The following QKI variants were observed in gnomAD, a reference collection of about 807,000 sequenced individuals.
QKI encodes QKI, KH domain containing RNA binding, also known as KH domain-containing RNA-binding protein QKI.
Under a neutral mutation model 39.0 loss-of-function variants are expected in QKI, and 10 were observed. The ratio of observed to expected loss-of-function variants is 0.26; its 90% CI spans 0.16 to 0.43. The LOEUF is 0.43. Among genes scored for constraint, QKI ranks in the 20% least tolerant of loss-of-function variants. The probability of loss-of-function intolerance (pLI) is 1.00; values close to 1 mark genes in which losing one functional copy is unlikely to be tolerated. For synonymous variants in QKI, 204 were observed against 155.4 expected, an observed-to-expected ratio of 1.31 and a Z score of -2.33; for missense variants, 218 against 428.0, an observed-to-expected ratio of 0.51 and a Z score of 4.33.
At position 163,577,911 on chromosome 6, in the gene QKI, T is replaced by C. The variant is rs1334074122; in HGVS notation, c.*7201T>C. ...AACGTAATTTTTAATGATTACCCCTTTTATACAGTAATTTGTGGTCTTTAG... is the reference window on the plus strand; with the variant it reads ...AACGTAATTTTTAATGATTACCCCTCTTATACAGTAATTTGTGGTCTTTAG... On this transcript the variant is annotated 3_prime_UTR_variant, in exon 8 of 8. Transcript: ENST00000361752. The C allele has an allele frequency of 6.6e-6, 1 of 152,214 alleles. No homozygotes were observed. The highest frequency in any genetic ancestry group is 1.5e-5 in the Non-Finnish European group (1 of 68,034). 9.4% of individuals were successfully genotyped at this position (152,214 alleles called of 1,614,324 possible).
chr6:163,510,947 C>T (rs1056362926), intron 3 of QKI, among the ~76,000 whole-genome samples: 6 of 152,216 alleles, frequency 3.9e-5, no homozygotes, highest in African/African-American at 9.6e-5. Flanking sequence ...GTTTATTAAA[C>T]GTTATATCTT....
intron 4 of QKI, among the ~76,000 whole-genome samples, chr6:163,548,050 C>A (rs1781999838): frequency 6.6e-6 from 1 of 152,156 alleles, no homozygotes; most frequent in African/African-American, 2.4e-5. Flanking sequence ...TTTCAGAACA[C>A]TGTTTGTTTA....
At chr6:163,567,367 A>AT (rs559062401) in intron 7 of QKI, 36 of 984,650 alleles carry the variant, frequency 3.7e-5, no homozygotes, top group African/African-American at 7.0e-5. Context: ...ATGTAGTTGG[A>AT]TTTTTTTATA....
At chr6:163,437,908 A>G (rs769055157) in intron 1 of QKI, among the ~76,000 whole-genome samples, 3 of 152,224 alleles carry the variant, frequency 2.0e-5, no homozygotes, top group Middle Eastern at 3.2e-3. Context: ...TCCTGGAAGA[A>G]AAAGCTCTGA....
chr6:163,477,020 G>GT (rs113406306), intron 2 of QKI, among the ~76,000 whole-genome samples: 15 of 54,114 alleles, frequency 2.8e-4, no homozygotes, highest in Non-Finnish European at 3.8e-4. Flanking sequence ...GTTTTGTTTT[G>GT]TTTTTTTTTT....
Position 163,478,910 on chromosome 6 carries a change from A to G in QKI, c.402+14A>G, listed in dbSNP as rs373603624. 89 of 1,549,260 alleles carry G rather than the reference A, an allele frequency of 5.7e-5. No homozygotes were observed. The highest frequency in any genetic ancestry group is 7.6e-5 in the Non-Finnish European group (85 of 1,125,522). ...GATAAAAAAAAGGTAAGTCCTTGAAAATGGACTAAGTCTTTATGTGAGTAA... is the reference window on the plus strand; with the variant it reads ...GATAAAAAAAAGGTAAGTCCTTGAAGATGGACTAAGTCTTTATGTGAGTAA... On this transcript the variant is annotated intron_variant, in intron 3 of 7. Transcript: ENST00000361752.
chr6:163,447,041 G>A (rs1300273687), intron 1 of QKI, among the ~76,000 whole-genome samples: 1 of 152,026 alleles, frequency 6.6e-6, no homozygotes, highest in African/African-American at 2.4e-5. Flanking sequence ...TACATCAAAA[G>A]GTGGCTTATT....
chr6:163,513,687 C>T (rs1323354041), intron 3 of QKI, among the ~76,000 whole-genome samples: 2 of 152,100 alleles, frequency 1.3e-5, no homozygotes, highest in Non-Finnish European at 2.9e-5. Flanking sequence ...TCTAGAATTT[C>T]TTCCCAGGCC....
chr6:163,541,148 A>G (rs1017849089), intron 4 of QKI, among the ~76,000 whole-genome samples: 11 of 152,056 alleles, frequency 7.2e-5, no homozygotes, highest in African/African-American at 2.7e-4. Flanking sequence ...GCTGTATCCA[A>G]CAAATAATAT....
chr6:163,425,285 TTTAG>T (rs1171288142), intron 1 of QKI, among the ~76,000 whole-genome samples: 2 of 152,068 alleles, frequency 1.3e-5, no homozygotes, highest in African/African-American at 4.8e-5. Context: ...TAGGTACGGA[TTTAG>T]TTAGTTGGAA....
intron 6 of QKI, chr6:163,564,463 G>A (rs147343562): frequency 3.5e-6 from 5 of 1,410,856 alleles, no homozygotes; most frequent in African/African-American, 1.4e-5. Context: ...TTCAGTTCTT[G>A]TGTTTTGGAG....
At chr6:163,466,719 T>C (rs1176490503) in intron 2 of QKI, among the ~76,000 whole-genome samples, 1 of 152,136 alleles carries the variant, frequency 6.6e-6, no homozygotes. Flanking sequence ...CATAAAAATT[T>C]AGTCAAAATG....
chr6:163,431,700 A>G (rs1390285626), intron 1 of QKI, among the ~76,000 whole-genome samples: 2 of 151,944 alleles, frequency 1.3e-5, no homozygotes, highest in Admixed American at 1.3e-4. Flanking sequence ...TCATTCAGTT[A>G]TATCATAAAG....
rs564966430 is a variant in QKI, at chr6:163,476,904, A to C, written c.286-1876A>C. ...TGTGTATGTATTGTGCTATACACAT[A>C]CATATCTGTACATGCCATCATCACT... On this transcript the variant is annotated intron_variant, in intron 2 of 7. Transcript: ENST00000361752. Among the ~76,000 whole-genome samples, 31 of 152,268 alleles carry C rather than the reference A, an allele frequency of 2.0e-4. No homozygotes were observed. The South Asian group carries it at 3.9e-3, about 19-fold the overall frequency.
chr6:163,422,018 C>T lies in QKI; in HGVS notation c.142+6683C>T, dbSNP rs538368652. Among the ~76,000 whole-genome samples, 23 of 152,162 alleles carry T rather than the reference C, an allele frequency of 1.5e-4. No homozygotes were observed. In the South Asian group the frequency reaches 4.2e-3, roughly 27 times the overall value. ...TCGGCTCTTGACCCCATGATCTGACCGCCTCGGCCTCCCAAAGTGCTGGGA... is the reference window on the plus strand; with the variant it reads ...TCGGCTCTTGACCCCATGATCTGACTGCCTCGGCCTCCCAAAGTGCTGGGA... On this transcript the variant is annotated intron_variant, in intron 1 of 7. Transcript: ENST00000361752.
rs540368915 is a variant in QKI at position 163,417,163 on chromosome 6, C to T, written c.142+1828C>T. 2.6e-5 allele frequency among the ~76,000 whole-genome samples: 4 copies of T among 152,054 alleles called. No homozygotes were observed. In the South Asian group the frequency reaches 8.3e-4, roughly 32 times the overall value. On this transcript the variant is annotated intron_variant, in intron 1 of 7. Coordinates refer to ENST00000361752, the MANE Select transcript of QKI (RefSeq NM_006775.3). ...TAAAATTATTGGCACAACTTTATGA[C>T]GTTTCAAAATAACACTCTTACTGTC... is the stretch of plus-strand genomic sequence containing the variant.
chr6:163,541,996 A>G (rs1402692920), intron 4 of QKI, among the ~76,000 whole-genome samples: 1 of 151,864 alleles, frequency 6.6e-6, no homozygotes, highest in Non-Finnish European at 1.5e-5. Context: ...ACTGCATGTC[A>G]TTTGCAAGTT....
chr6:163,569,954 G>A (rs1783607461), intron 7 of QKI: 1 of 986,332 alleles, frequency 1.0e-6, no homozygotes. Context: ...TGTTCTATAT[G>A]TGTAAAATAG....
At chr6:163,431,800 TAA>T (rs66790166) in intron 1 of QKI, among the ~76,000 whole-genome samples, 6 of 127,340 alleles carry the variant, frequency 4.7e-5, no homozygotes, top group African/African-American at 1.9e-4. Context: ...AAGATTTTTG[TAA>T]AAAAAAAAAA....
Sources: allele counts gnomAD v4.1 joint callset (sites outside exome capture counted in the v4.1 genomes callset), GRCh38; gene constraint gnomAD v4.1.1; transcripts MANE v1.5; gene names NCBI Gene and HGNC (gene_info 2026-07-23, HGNC 2026-07-21).